Variants in ZNRF1 observed in about 807,000 individuals in gnomAD.
The protein encoded by ZNRF1 is E3 ubiquitin-protein ligase ZNRF1.
A neutral mutation model predicts 18.4 loss-of-function variants in ZNRF1; 3 were observed. The observed-to-expected ratio is 0.16, with a 90% CI of 0.07 to 0.42. The LOEUF is 0.42. ZNRF1 is among the 10% of genes least tolerant of loss of function. The pLI is 0.99. For missense variants in ZNRF1, 310 were observed against 329.8 expected (o/e 0.94, Z 0.47); for synonymous variants, 157 against 144.2 (o/e 1.09, Z -0.64).
intron 1 of ZNRF1, among the ~76,000 whole-genome samples, chr16:75,080,299 T>G (rs1012571523): frequency 6.6e-6 from 1 of 152,196 alleles, no homozygotes; most frequent in Non-Finnish European, 1.5e-5. Context: ...AGGAGCCTTC[T>G]CACAGACCTC....
At chr16:75,082,726 A>T (rs1467786556) in intron 1 of ZNRF1, among the ~76,000 whole-genome samples, 1 of 151,958 alleles carries the variant, frequency 6.6e-6, no homozygotes, top group Non-Finnish European at 1.5e-5. Context: ...GCTAATTTTT[A>T]TATTTTTGGT....
intron 1 of ZNRF1, among the ~76,000 whole-genome samples, chr16:75,036,866 T>C (rs2035382664): frequency 2.0e-5 from 3 of 152,226 alleles, no homozygotes; most frequent in Admixed American, 2.0e-4. Flanking sequence ...CTTTATTATG[T>C]TTGCTTAGAG....
chr16:75,077,142 C>T (rs955394849), intron 1 of ZNRF1, among the ~76,000 whole-genome samples: 1 of 152,228 alleles, frequency 6.6e-6, no homozygotes, highest in African/African-American at 2.4e-5. Context: ...CCTGTAATCT[C>T]AGCACTTTGG....
chr16:74,999,627 G>C lies in ZNRF1; in HGVS notation c.-45G>C, dbSNP rs1440948013. On this transcript the variant is annotated 5_prime_UTR_variant, in exon 1 of 5. Coordinates refer to ENST00000335325, the MANE Select transcript of ZNRF1 (RefSeq NM_032268.5). ...CCCCCTGCTGCTGAGAAGTGGGGGAGGGTCTCGGCCTCCAGGTTCCCGCCC... is the reference window on the plus strand; with the variant it reads ...CCCCCTGCTGCTGAGAAGTGGGGGACGGTCTCGGCCTCCAGGTTCCCGCCC... The C allele has an allele frequency of 3.5e-5, 45 of 1,291,940 alleles. No homozygotes were observed. The South Asian group carries it at 1.0e-3, about 29-fold the overall frequency. 80.0% of individuals were successfully genotyped at this position (1,291,940 alleles called of 1,614,324 possible). A position where few individuals can be genotyped will look rare whatever the true frequency, so the allele number is the denominator to read the frequency against.
intron 1 of ZNRF1, among the ~76,000 whole-genome samples, chr16:75,068,969 C>T (rs1031640526): frequency 6.6e-6 from 1 of 151,818 alleles, no homozygotes; most frequent in East Asian, 1.9e-4. Flanking sequence ...ACCCCCTCCT[C>T]CCTCTCTTCA....
chr16:75,027,164 G>C (rs1396018885), intron 1 of ZNRF1, among the ~76,000 whole-genome samples: 8 of 151,798 alleles, frequency 5.3e-5, no homozygotes, highest in Non-Finnish European at 4.4e-5. Context: ...CCAGCACTTT[G>C]GGAGGCTGAG....
At chr16:75,014,783 G>T (rs2035045688) in intron 1 of ZNRF1, among the ~76,000 whole-genome samples, 1 of 151,952 alleles carries the variant, frequency 6.6e-6, no homozygotes, top group Non-Finnish European at 1.5e-5. Context: ...TGCTTGTTCT[G>T]TGTCCTTGCC....
rs546886472 is a variant in ZNRF1 at position 75,068,178 on chromosome 16, G to T, written c.425-25394G>T. Among the ~76,000 whole-genome samples the T allele has an allele frequency of 5.1e-5, 6 of 118,650 alleles. No homozygotes were observed. In the East Asian group the frequency reaches 1.5e-3, roughly 30 times the overall value. The allele number at this position is 118,650 out of a possible 152,430, so 77.8% of individuals were successfully genotyped here. ...AGACCAACCTGGTGAAAAAGAGCGA[G>T]ACCTTGTCTTAAAAAAAAAAAAAAA... On this transcript the variant is annotated intron_variant, in intron 1 of 4. Coordinates refer to ENST00000335325, the MANE Select transcript of ZNRF1 (RefSeq NM_032268.5).
chr16:75,087,475 G>C (rs2036087155), intron 1 of ZNRF1, among the ~76,000 whole-genome samples: 1 of 152,190 alleles, frequency 6.6e-6, no homozygotes, highest in African/African-American at 2.4e-5. Flanking sequence ...CCAACTCTCT[G>C]CTCAGCTCTT....
At chr16:75,083,500 A>T (rs1284085599) in intron 1 of ZNRF1, among the ~76,000 whole-genome samples, 1 of 152,216 alleles carries the variant, frequency 6.6e-6, no homozygotes, top group Non-Finnish European at 1.5e-5. Flanking sequence ...GAAAATGAAG[A>T]TCACTACTAA....
intron 1 of ZNRF1, among the ~76,000 whole-genome samples, chr16:75,013,202 A>G (rs973463414): frequency 6.6e-6 from 1 of 152,214 alleles, no homozygotes; most frequent in South Asian, 2.1e-4. Context: ...CTTTTGCCTA[A>G]GGAGTTCAGA....
intron 2 of ZNRF1, among the ~76,000 whole-genome samples, chr16:75,100,576 CCTGGTGTGGGAAG>C (rs2036244586): frequency 6.6e-6 from 1 of 152,190 alleles, no homozygotes; most frequent in Non-Finnish European, 1.5e-5. Context: ...AGAGAACACA[CCTGGTGTGGGAAG>C]CTGTATGGGA....
chr16:75,086,616 A>T (rs997458711), intron 1 of ZNRF1, among the ~76,000 whole-genome samples: 1 of 152,192 alleles, frequency 6.6e-6, no homozygotes, highest in Non-Finnish European at 1.5e-5. Flanking sequence ...CATCAGTGTT[A>T]CCCCTTGATC....
chr16:75,013,195 T>A (rs760971369), intron 1 of ZNRF1, among the ~76,000 whole-genome samples: 69 of 152,174 alleles, frequency 4.5e-4, no homozygotes, highest in Non-Finnish European at 9.3e-4. Flanking sequence ...AAAGTATCTT[T>A]TGCCTAAGGA....
intron 1 of ZNRF1, among the ~76,000 whole-genome samples, chr16:75,004,535 C>G (rs1341934669): frequency 1.3e-5 from 2 of 152,226 alleles, no homozygotes; most frequent in African/African-American, 4.8e-5. Flanking sequence ...TATGTATGCA[C>G]TTTCAGAAAG....
In ZNRF1 at chr16:75,110,219, T is replaced by C. The variant is rs1015201781; in HGVS notation, c.*2519T>C. 1 of 152,428 alleles carries C rather than the reference T, an allele frequency of 6.6e-6. No individual in the cohort carries two copies. The highest frequency in any genetic ancestry group is 6.5e-5 in the Admixed American group (1 of 15,290). 9.4% of individuals were successfully genotyped at this position (152,428 alleles called of 1,614,324 possible). On this transcript the variant is annotated 3_prime_UTR_variant, in exon 5 of 5. Transcript: ENST00000335325. ...CTGAATTTGGACCCAGGTTGCCTGC[T>C]CTTGTTGTGGGGGTGGGATTGGGGC...
At chr16:75,013,507 T>C (rs767066239) in intron 1 of ZNRF1, among the ~76,000 whole-genome samples, 9 of 151,714 alleles carry the variant, frequency 5.9e-5, no homozygotes, top group Non-Finnish European at 5.9e-5. Flanking sequence ...CCACCATGCC[T>C]AGCTAATTTT....
At chr16:75,042,727 G>T (rs1221429499) in intron 1 of ZNRF1, among the ~76,000 whole-genome samples, 2 of 152,086 alleles carry the variant, frequency 1.3e-5, no homozygotes, top group East Asian at 3.9e-4. Flanking sequence ...TAGGTCCTTT[G>T]CATTTCCATG....
intron 1 of ZNRF1, among the ~76,000 whole-genome samples, chr16:75,023,620 G>A (rs990386912): frequency 6.6e-6 from 1 of 151,916 alleles, no homozygotes; most frequent in African/African-American, 2.4e-5. Flanking sequence ...GGAGGTGGAG[G>A]TTGCAGTGAC....
Sources: gnomAD v4.1 joint callset for allele counts (sites outside exome capture counted in the v4.1 genomes callset) on GRCh38, gnomAD v4.1.1 for gene constraint, MANE v1.5 for transcripts, NCBI Gene and HGNC (gene_info 2026-07-23, HGNC 2026-07-21) for gene names.